SSTR3: variants seen among roughly 807,000 people sequenced by gnomAD.
SSTR3 encodes the protein somatostatin receptor type 3.
For synonymous variants in SSTR3, 281 were observed against 269.2 expected (o/e 1.04, Z -0.43); for missense variants, 504 against 604.7 (o/e 0.83, Z 1.75).
chr22:37,210,511 G>A (rs1926127327), intron 1 of SSTR3: 1 of 985,350 alleles, frequency 1.0e-6, no homozygotes, highest in Non-Finnish European at 1.2e-6. Context: ...GCAGAAGCAG[G>A]GAAATTACAG....
intron 1 of SSTR3, among the ~76,000 whole-genome samples, chr22:37,208,960 G>T (rs1926023544): frequency 6.6e-6 from 1 of 152,238 alleles, no homozygotes; most frequent in South Asian, 2.1e-4. Flanking sequence ...AGGAGGCCCA[G>T]GCAGAGCCAG....
intron 1 of SSTR3, among the ~76,000 whole-genome samples, chr22:37,208,323 A>G (rs867904752): frequency 3.3e-5 from 5 of 152,222 alleles, no homozygotes; most frequent in Non-Finnish European, 7.4e-5. Context: ...CCTAAACTCC[A>G]GGTGAAGGTT....
chr22:37,207,269 C>G lies in SSTR3; in HGVS notation c.535G>C (p.Val179Leu), dbSNP rs149879896. ...CCGCGGGGCACTCCCGAGAAGACCA[C>G]CACGGGCAGCACCACCACGGCTGAG... Reference protein sequence around the residue: ...VASAVVVLPVVVFSGVPRGMS... With the variant: ...VASAVVVLPVLVFSGVPRGMS... Residue 179 changes from valine to leucine, a missense_variant, in exon 2 of 2, where the codon GTG (valine) becomes CTG (leucine). Physicochemically the swap from Val to Leu is conservative, Grantham distance 32. Transcript: ENST00000610913. 73 of 1,597,554 alleles carry G rather than the reference C, an allele frequency of 4.6e-5. No homozygotes were observed. The African/African-American group carries it at 8.2e-4, about 18-fold the overall frequency.
intron 1 of SSTR3, chr22:37,210,718 G>C: frequency 2.0e-6 from 2 of 985,486 alleles, no homozygotes; most frequent in Non-Finnish European, 2.4e-6. Flanking sequence ...CACAGAGAGG[G>C]TGAGTGGCTG....
At position 37,206,905 on chromosome 22, in the gene SSTR3, G is replaced by A. The variant is rs570846487; in HGVS notation, c.899C>T (p.Ala300Val). 1.1e-5 allele frequency: 17 copies of A among 1,613,374 alleles called. No homozygotes were observed. Among genetic ancestry groups the A allele is most frequent in the South Asian group, 9.9e-5 (9 of 91,086 alleles). The change falls in exon 2 of 2, where the codon GCG becomes GTG. Residue 300 changes from alanine (A) to valine (V), a missense_variant. Transcript: ENST00000610913. ...GGCACAGCTGTTGGCATAGGGCAGC[G>A]CCACCACCAGGAAGTAGAGCCCAAA... ...AFFGLYFLVV[A>V]LPYANSCANP...
intron 1 of SSTR3, among the ~76,000 whole-genome samples, 166 bp downstream of exon 1, chr22:37,211,659 T>G (rs1281047140): frequency 2.0e-5 from 3 of 152,020 alleles, no homozygotes; most frequent in African/African-American, 7.2e-5. Context: ...CTAACGCCCC[T>G]GCCCCTGCAG....
intron 1 of SSTR3, chr22:37,210,679 T>G: frequency 2.0e-6 from 2 of 985,422 alleles, no homozygotes; most frequent in Non-Finnish European, 2.4e-6. Context: ...GGGGGCGGAC[T>G]CCTTGGAGGA....
upstream of SSTR3, among the ~76,000 whole-genome samples, chr22:37,216,499 AT>A (rs1221408526): frequency 6.6e-6 from 1 of 152,244 alleles, no homozygotes; most frequent in Middle Eastern, 3.2e-3. Context: ...GTTTTTAAAA[AT>A]ATCTTCGATT....
At chr22:37,212,928 A>G (rs114368308), upstream of SSTR3, among the ~76,000 whole-genome samples, 567 of 152,310 alleles carry the variant, frequency 3.7e-3, 4 homozygotes, top group African/African-American at 0.013. Context: ...CAGAGAACCA[A>G]TATTTTAGGC....
the SSTR3 span, among the ~76,000 whole-genome samples, chr22:37,218,146 T>A: frequency 6.6e-6 from 1 of 152,272 alleles, no homozygotes; most frequent in Non-Finnish European, 1.5e-5. Context: ...TATTGCTTAC[T>A]GATATTCCTT....
chr22:37,206,753 C>T lies in SSTR3; in HGVS notation c.1051G>A (p.Glu351Lys), dbSNP rs544320915. ...TVGPPEKTEEEDEEEEDGEES... is the reference protein window; with the variant it reads ...TVGPPEKTEEKDEEEEDGEES... ...TCCCCATCCTCCTCCTCCTCATCCT[C>T]CTCCTCAGTCTTCTCCGGGGGCCCC... The change falls in exon 2 of 2, where the codon GAG (glutamate) becomes AAG (lysine). Residue 351 changes from glutamate (E) to lysine (K), a missense_variant. By Grantham distance (56) the Glu-to-Lys change is moderately conservative (BLOSUM62 1). Coordinates refer to ENST00000610913, the MANE Select transcript of SSTR3 (RefSeq NM_001051.5). 1 of 1,610,140 alleles carries T rather than the reference C, an allele frequency of 6.2e-7. No individual in the cohort carries two copies. Among genetic ancestry groups the T allele is most frequent in the South Asian group, 1.1e-5 (1 of 91,060 alleles).
Position 37,207,731 on chromosome 22 carries a change from C to G in SSTR3, c.73G>C (p.Asp25His), listed in dbSNP as rs1397804485. ...GCCGACACGTTGCCCAGGGTGGCAT[C>G]TGGGGGCCAGGCCGAGGAGGCATTC... ...PENASSAWPP[D>H]ATLGNVSAGP... The change falls in exon 2 of 2, where the codon GAT (aspartate) becomes CAT (histidine). Residue 25 changes from aspartate to histidine, a missense_variant. Physicochemically the swap from Asp to His is moderately conservative, Grantham distance 81. Coordinates refer to ENST00000610913, the MANE Select transcript of SSTR3 (RefSeq NM_001051.5). 1 of 1,530,124 alleles carries G rather than the reference C, an allele frequency of 6.5e-7. No individual in the cohort carries two copies. The highest frequency in any genetic ancestry group is 1.4e-5 in the African/African-American group (1 of 72,310). 94.8% of individuals were successfully genotyped at this position (1,530,124 alleles called of 1,614,324 possible).
At chr22:37,210,573 G>C (rs1298383979) in intron 1 of SSTR3, 1 of 985,362 alleles carries the variant, frequency 1.0e-6, no homozygotes, top group Admixed American at 6.1e-5. Context: ...CTTTTCTTTA[G>C]AGCTGGAATC....
rs1409927132 is a variant in SSTR3 at position 37,206,282 on chromosome 22, C to T, written c.*265G>A. 3.6e-5 allele frequency: 17 copies of T among 469,730 alleles called. No homozygotes were observed. The highest frequency in any genetic ancestry group is 2.2e-5 in the Non-Finnish European group (6 of 273,494). 29.1% of individuals were successfully genotyped at this position (469,730 alleles called of 1,614,324 possible). A position where few individuals can be genotyped will look rare whatever the true frequency, so the allele number is the denominator to read the frequency against. On this transcript the variant is annotated 3_prime_UTR_variant, in exon 2 of 2. Coordinates refer to ENST00000610913, the MANE Select transcript of SSTR3 (RefSeq NM_001051.5). ...CCTTTTGCCTGCTCAGCCAGGTCAG[C>T]CCAGCAACAGTGCCCTCCAAACCTC...
the SSTR3 span, among the ~76,000 whole-genome samples, chr22:37,220,175 A>T: frequency 1.3e-5 from 2 of 152,150 alleles, no homozygotes; most frequent in Admixed American, 6.5e-5. Context: ...AAGCAGGAGG[A>T]GGAGGTGATC....
At position 37,212,205 on chromosome 22, in the gene SSTR3, G is replaced by A. The variant is rs975908512; in HGVS notation, c.-417C>T. The stretch of plus-strand genomic sequence containing the variant: ...GGGGAAAGGGGGTCGGGAGGAGGTG[G>A]AGAAAGAGAGAGAGAGAGAAAGAGG... On this transcript the variant is annotated 5_prime_UTR_variant, in exon 1 of 2. Coordinates refer to ENST00000610913, the MANE Select transcript of SSTR3 (RefSeq NM_001051.5). 1.8e-5 allele frequency: 16 copies of A among 904,246 alleles called. No individual in the cohort carries two copies. Among genetic ancestry groups the A allele is most frequent in the East Asian group, 1.2e-4 (1 of 8,252 alleles). The allele number at this position is 904,246 out of a possible 1,614,324, so 56.0% of individuals were successfully genotyped here.
chr22:37,206,679 G>T lies in SSTR3; in HGVS notation c.1125C>A (p.Ser375Arg). 6.2e-7 allele frequency: 1 copy of T among 1,609,400 alleles called. No individual in the cohort carries two copies. ...GKGKEMNGRV[S>R]QITQPGTSGQ... is the part of the protein sequence containing the mutation. ...CGCTGGTGCCAGGCTGCGTGATCTG[G>T]CTGACCCGGCCGTTCATCTCCTTCC... is the stretch of plus-strand genomic sequence containing the variant. Residue 375 changes from serine to arginine, a missense_variant, in exon 2 of 2, where the codon AGC becomes AGA. By Grantham distance (110) the Ser-to-Arg change is moderately radical. Coordinates refer to ENST00000610913, the MANE Select transcript of SSTR3 (RefSeq NM_001051.5).
chr22:37,216,215 A>C (rs1260101122), upstream of SSTR3, among the ~76,000 whole-genome samples: 4 of 99,028 alleles, frequency 4.0e-5, no homozygotes, highest in African/African-American at 7.8e-5. Flanking sequence ...TCCCACAGGT[A>C]ATCCCACCCG....
intron 1 of SSTR3, among the ~76,000 whole-genome samples, chr22:37,209,466 C>T (rs1470577648): frequency 6.6e-6 from 1 of 152,204 alleles, no homozygotes. Flanking sequence ...CTCAACCCAT[C>T]CTTCTCCCCA....
Sources: gnomAD v4.1 joint callset for allele counts (sites outside exome capture counted in the v4.1 genomes callset) on GRCh38, gnomAD v4.1.1 for gene constraint, MANE v1.5 for transcripts, NCBI Gene and HGNC (gene_info 2026-07-23, HGNC 2026-07-21) for gene names.